The following NELL1 variants were observed in gnomAD, a reference collection of about 807,000 sequenced individuals.
The protein encoded by NELL1 is neural EGFL like 1.
In NELL1, 76 loss-of-function variants were observed where a neutral mutation model predicts 107.4. That is an observed-to-expected ratio of 0.71 (90% confidence interval 0.59 to 0.86). The LOEUF (loss-of-function observed/expected upper bound fraction) is 0.86, where lower values mean the gene tolerates loss of function less well. NELL1 is among the 40% of genes least tolerant of loss of function. The probability of loss-of-function intolerance (pLI) is 0.00; values close to 1 mark genes in which losing one functional copy is unlikely to be tolerated. For synonymous variants in NELL1, 353 were observed against 341.2 expected (o/e 1.03, Z -0.38); for missense variants, 1,024 against 1,005.5 (o/e 1.02, Z -0.25).
chr11:21,563,722 G>C (rs916535087), intron 17 of NELL1, among the ~76,000 whole-genome samples: 3 of 151,916 alleles, frequency 2.0e-5, no homozygotes, highest in Admixed American at 1.3e-4. Flanking sequence ...TGGTATCTGT[G>C]CAGAGGTCCT....
At chr11:20,953,332 G>A (rs879382481) in intron 11 of NELL1, among the ~76,000 whole-genome samples, 5 of 152,166 alleles carry the variant, frequency 3.3e-5, no homozygotes, top group Non-Finnish European at 5.9e-5. Flanking sequence ...GGAACTATTA[G>A]TGACCCATGT....
chr11:20,904,463 T>G (rs187406864), intron 5 of NELL1, among the ~76,000 whole-genome samples: 21 of 152,264 alleles, frequency 1.4e-4, no homozygotes, highest in African/African-American at 5.1e-4. Flanking sequence ...ACACCATGTG[T>G]CTGCCTGGGG....
rs137903871 is a variant in NELL1 at position 21,455,014 on chromosome 11, G to A, written c.1646-79360G>A. 4.2e-3 allele frequency among the ~76,000 whole-genome samples: 639 copies of A among 152,118 alleles called. 2 individuals are homozygous for A. The highest frequency in any genetic ancestry group is 6.8e-3 in the Middle Eastern group (2 of 294). On this transcript the variant is annotated intron_variant, in intron 15 of 19. Transcript: ENST00000357134. Reference sequence around the variant, plus strand: ...TCTAGAACTCTTTAATCTTTTTGTCGTAGATCCAAATTTATTCTGTGTGAA... The same window carrying A: ...TCTAGAACTCTTTAATCTTTTTGTCATAGATCCAAATTTATTCTGTGTGAA...
At chr11:21,065,382 G>A (rs1477755557) in intron 12 of NELL1, among the ~76,000 whole-genome samples, 1 of 152,052 alleles carries the variant, frequency 6.6e-6, no homozygotes, top group African/African-American at 2.4e-5. Flanking sequence ...GAACTTGCTA[G>A]AATGATTGGA....
chr11:21,303,142 T>C (rs751797197), intron 14 of NELL1, among the ~76,000 whole-genome samples: 25 of 151,928 alleles, frequency 1.6e-4, no homozygotes, highest in East Asian at 7.8e-4. Flanking sequence ...TACACATACA[T>C]ACATATATAG....
chr11:21,384,050 A>C (rs1851677600), intron 15 of NELL1: 1 of 151,954 alleles, frequency 6.6e-6, no homozygotes, highest in Non-Finnish European at 1.5e-5. Flanking sequence ...CTTAACTTTT[A>C]AAATATATCT....
intron 2 of NELL1, among the ~76,000 whole-genome samples, chr11:20,766,562 T>C (rs1245599805): frequency 1.1e-4 from 16 of 152,144 alleles, no homozygotes; most frequent in Admixed American, 1.0e-3. Flanking sequence ...TAGTGTGTAA[T>C]GGGGACAGGG....
intron 19 of NELL1, among the ~76,000 whole-genome samples, chr11:21,573,723 G>C (rs569854728): frequency 3.3e-4 from 49 of 149,604 alleles, no homozygotes; most frequent in Non-Finnish European, 5.6e-4. Flanking sequence ...AAAAAGAAAA[G>C]AAAGAAAGGG....
intron 15 of NELL1, among the ~76,000 whole-genome samples, chr11:21,450,262 T>A (rs1228348619): frequency 6.6e-6 from 1 of 152,244 alleles, no homozygotes; most frequent in Non-Finnish European, 1.5e-5. Flanking sequence ...ATTCTCTTTT[T>A]TATTATAATG....
At chr11:21,209,354 A>G (rs1048100685) in intron 13 of NELL1, among the ~76,000 whole-genome samples, 1 of 149,018 alleles carries the variant, frequency 6.7e-6, no homozygotes, top group South Asian at 2.1e-4. Flanking sequence ...TATATAAAAT[A>G]CATAATTACT....
intron 19 of NELL1, among the ~76,000 whole-genome samples, chr11:21,573,845 TTC>T (rs1264575291): frequency 6.6e-6 from 1 of 151,824 alleles, no homozygotes; most frequent in African/African-American, 2.4e-5. Context: ...AGTTTCTAAG[TTC>T]TTTTATTAAA....
intron 4 of NELL1, among the ~76,000 whole-genome samples, chr11:20,873,768 T>A (rs990943855): frequency 1.2e-5 from 1 of 85,996 alleles, no homozygotes; most frequent in African/African-American, 9.2e-5. Context: ...AATATTTGAC[T>A]TTTTTTTTTT....
chr11:20,997,006 C>T (rs1164529398), intron 12 of NELL1, among the ~76,000 whole-genome samples: 4 of 152,010 alleles, frequency 2.6e-5, no homozygotes, highest in South Asian at 2.1e-4. Flanking sequence ...ATGAGCATAT[C>T]GTCCATTTTG....
chr11:20,850,935 G>A (rs1342073223), intron 4 of NELL1, among the ~76,000 whole-genome samples: 1 of 152,166 alleles, frequency 6.6e-6, no homozygotes, highest in African/African-American at 2.4e-5. Context: ...ATAACTAGGT[G>A]TCAATCACAT....
chr11:21,410,057 A>G (rs143943746), intron 15 of NELL1, among the ~76,000 whole-genome samples: 18 of 152,200 alleles, frequency 1.2e-4, no homozygotes, highest in Admixed American at 9.2e-4. Flanking sequence ...TTTGAAAAAC[A>G]AAACAATCTT....
intron 15 of NELL1, among the ~76,000 whole-genome samples, chr11:21,489,977 T>C (rs894018377): frequency 1.3e-5 from 2 of 151,726 alleles, no homozygotes; most frequent in African/African-American, 2.4e-5. Flanking sequence ...AGAAAAAAAA[T>C]ATCCACATCA....
intron 12 of NELL1, among the ~76,000 whole-genome samples, chr11:20,985,571 A>T (rs972998331): frequency 2.4e-4 from 37 of 152,168 alleles, no homozygotes; most frequent in Non-Finnish European, 4.9e-4. Context: ...GAACCCACAG[A>T]TGAGGGACTG....
intron 14 of NELL1, among the ~76,000 whole-genome samples, chr11:21,357,569 G>A (rs1850964853): frequency 1.3e-5 from 2 of 152,136 alleles, no homozygotes; most frequent in Admixed American, 1.3e-4. Context: ...GTTGTCCATA[G>A]TTAGTGAATA....
intron 14 of NELL1, among the ~76,000 whole-genome samples, chr11:21,281,817 G>A (rs144090110): frequency 3.9e-5 from 6 of 152,290 alleles, no homozygotes; most frequent in Admixed American, 6.5e-5. Flanking sequence ...TCTAGGAGAT[G>A]CCTATCTCTC....
Sources: gnomAD v4.1 joint callset for allele counts (sites outside exome capture counted in the v4.1 genomes callset) on GRCh38, gnomAD v4.1.1 for gene constraint, MANE v1.5 for transcripts, NCBI Gene and HGNC (gene_info 2026-07-23, HGNC 2026-07-21) for gene names.